The following SLC35E4 variants were observed in gnomAD, a reference collection of about 807,000 sequenced individuals.
SLC35E4 encodes the protein solute carrier family 35 member E4.
In SLC35E4, 15 loss-of-function variants were observed where a neutral mutation model predicts 19.3. That is an observed-to-expected ratio of 0.78 (90% CI 0.52 to 1.20). The LOEUF (loss-of-function observed/expected upper bound fraction) is 1.20. Among genes scored for constraint, SLC35E4 ranks in the 50% most tolerant of loss-of-function variants. SLC35E4 has a pLI of 0.00. For missense variants in SLC35E4, 406 were observed against 472.3 expected, an observed-to-expected ratio of 0.86 and a Z score of 1.30; for synonymous variants, 219 against 219.9, an observed-to-expected ratio of 1.00 and a Z score of 0.04.
downstream of SLC35E4, chr22:30,663,363 C>A: frequency 7.0e-7 from 1 of 1,437,158 alleles, no homozygotes; most frequent in South Asian, 1.4e-5. Context: ...GTAGAATGTT[C>A]AAGTTTGGAT....
intron 2 of SLC35E4, among the ~76,000 whole-genome samples, chr22:30,660,932 C>T (rs1292337866): frequency 1.3e-5 from 2 of 151,832 alleles, no homozygotes; most frequent in African/African-American, 2.4e-5. Context: ...CTCTGCCTCC[C>T]GGGTTCAAGT....
At chr22:30,666,528 G>A (rs941870189), downstream of SLC35E4, among the ~76,000 whole-genome samples, 8 of 144,726 alleles carry the variant, frequency 5.5e-5, no homozygotes, top group African/African-American at 1.6e-4. Flanking sequence ...AGGCTGAGAC[G>A]GGAGAATTGC....
rs751717088 is a variant in SLC35E4, at chr22:30,636,664, A to G, written c.214A>G (p.Thr72Ala). Residue 72 changes from threonine to alanine, a missense_variant, in exon 1 of 2, where the codon ACA becomes GCA. Transcript: ENST00000343605. ...SMSSLNKWIF[T>A]VHGFGRPLLL... Reference sequence around the variant, plus strand: ...GTCAAGCCTCAACAAGTGGATCTTCACAGTGCACGGCTTTGGGCGGCCCCT... The same window carrying G: ...GTCAAGCCTCAACAAGTGGATCTTCGCAGTGCACGGCTTTGGGCGGCCCCT... The G allele has an allele frequency of 6.8e-6, 11 of 1,612,068 alleles. No individual in the cohort carries two copies. The highest frequency in any genetic ancestry group is 6.7e-5 in the Admixed American group (4 of 59,952).
chr22:30,663,511 GCA>G (rs538206035), downstream of SLC35E4: 6,852 of 1,614,194 alleles, frequency 4.2e-3, 17 homozygotes, highest in Non-Finnish European at 5.3e-3. Flanking sequence ...CTGACCATGT[GCA>G]CAGTGTTCTT....
chr22:30,638,501 CAA>C (rs33962458), intron 1 of SLC35E4, among the ~76,000 whole-genome samples: 5,819 of 63,756 alleles, frequency 0.091, 268 homozygotes, highest in African/African-American at 0.25. Flanking sequence ...GACTCCATCT[CAA>C]AAAAAAAAAA....
rs779255972 is a variant in SLC35E4 at position 30,636,985 on chromosome 22, G to A, written c.535G>A (p.Ala179Thr). The change falls in exon 1 of 2, where the codon GCT becomes ACT. Residue 179 changes from alanine (A) to threonine (T), a missense_variant. Physicochemically the swap from Ala to Thr is moderately conservative, Grantham distance 58. Transcript: ENST00000343605. ...CTGCCTGGGGGCCGCCTGCAGCCTG[G>A]CTGGAGAGTTCCGGACACCCCCTAC... ...PLCLGAACSL[A>T]GEFRTPPTGC... The A allele has an allele frequency of 6.2e-7, 1 of 1,611,700 alleles. No homozygotes were observed. The highest frequency in any genetic ancestry group is 1.7e-5 in the Admixed American group (1 of 59,946).
rs2087963916 is a variant in SLC35E4 at position 30,637,033 on chromosome 22, G to A, written c.583G>A (p.Ala195Thr). 12 of 1,589,486 alleles carry A rather than the reference G, an allele frequency of 7.5e-6. No homozygotes were observed. The highest frequency in any genetic ancestry group is 1.0e-5 in the Non-Finnish European group (12 of 1,164,690). Reference protein sequence around the residue: ...PPTGCGFLLAATCLRGLKSVQ... With the variant: ...PPTGCGFLLATTCLRGLKSVQ... ...TACCGGCTGTGGCTTCCTGCTCGCA[G>A]CCACCTGCCTCCGCGGACTCAAGTC... Residue 195 changes from alanine (A) to threonine (T), a missense_variant, in exon 1 of 2, where the codon GCC (alanine) becomes ACC (threonine). By Grantham distance (58) the Ala-to-Thr change is moderately conservative. Transcript: ENST00000343605.
chr22:30,647,096 A>T lies in SLC35E4; in HGVS notation c.*65A>T. ...CCTGAATCCAGCCTCCGCTGTGGCC[A>T]TAGAAGGAATGGAGAACAGGGCTGG... is the stretch of plus-strand genomic sequence containing the variant. On this transcript the variant is annotated 3_prime_UTR_variant, in exon 2 of 2. Transcript: ENST00000343605. The T allele has an allele frequency of 3.3e-6, 5 of 1,501,730 alleles. No individual in the cohort carries two copies. Among genetic ancestry groups the T allele is most frequent in the Non-Finnish European group, 4.4e-6 (5 of 1,127,652 alleles). The allele number at this position is 1,501,730 out of a possible 1,614,324, so 93.0% of individuals were successfully genotyped here. A position where few individuals can be genotyped will look rare whatever the true frequency, so the allele number is the denominator to read the frequency against.
chr22:30,649,773 C>A (rs568481083), downstream of SLC35E4, among the ~76,000 whole-genome samples: 2 of 150,056 alleles, frequency 1.3e-5, no homozygotes, highest in African/African-American at 4.9e-5. Flanking sequence ...CTGGCCCCCA[C>A]TGCCATAGCA....
rs1338732669 is a variant in SLC35E4, at chr22:30,636,668, T to C, written c.218T>C (p.Val73Ala). ...AGCCTCAACAAGTGGATCTTCACAG[T>C]GCACGGCTTTGGGCGGCCCCTGCTG... ...MSSLNKWIFT[V>A]HGFGRPLLLS... Residue 73 changes from valine (V) to alanine (A), a missense_variant, in exon 1 of 2, where the codon GTG (valine) becomes GCG (alanine). Val to Ala is a moderately conservative substitution (Grantham distance 64, BLOSUM62 0). Transcript: ENST00000343605. 3.7e-6 allele frequency: 6 copies of C among 1,612,136 alleles called. No individual in the cohort carries two copies. Among genetic ancestry groups the C allele is most frequent in the Non-Finnish European group, 5.1e-6 (6 of 1,179,292 alleles).
rs1166312271 is a variant in SLC35E4 at position 30,636,612 on chromosome 22, G to C, written c.162G>C (p.Leu54=). The change falls in exon 1 of 2, where the codon CTG becomes CTC. Residue 54 remains leucine (L), a synonymous_variant. Coordinates refer to ENST00000343605, the MANE Select transcript of SLC35E4 (RefSeq NM_001001479.4). ...GGGCCCGAGTGGCCATGGCAGCACT[G>C]GTGTGGCTGCTGGCGGGAGCCAGCA... ...PGRARVAMAA[L]VWLLAGASMS... is the part of the protein sequence containing the mutation. 1 of 1,608,562 alleles carries C rather than the reference G, an allele frequency of 6.2e-7. No homozygotes were observed. The highest frequency in any genetic ancestry group is 2.2e-5 in the East Asian group (1 of 44,660).
intron 2 of SLC35E4, chr22:30,654,495 TA>T (rs938407828): frequency 1.6e-5 from 7 of 434,566 alleles, no homozygotes; most frequent in Non-Finnish European, 2.3e-5. Flanking sequence ...GGGATGCCGT[TA>T]AACACCTTGA....
At position 30,646,713 on chromosome 22, in the gene SLC35E4, A is replaced by G. The variant is rs1602079788; in HGVS notation, c.735A>G (p.Pro245=). ...AALVLEAGVA[P]PPTAGDSRLW... ...TGGTGCTGGAGGCTGGCGTTGCCCCACCGCCCACTGCTGGCGACTCTCGCC... is the reference window on the plus strand; with the variant it reads ...TGGTGCTGGAGGCTGGCGTTGCCCCGCCGCCCACTGCTGGCGACTCTCGCC... The change falls in exon 2 of 2, where the codon CCA becomes CCG. Residue 245 remains proline, a synonymous_variant. Coordinates refer to ENST00000343605, the MANE Select transcript of SLC35E4 (RefSeq NM_001001479.4). The G allele has an allele frequency of 8.7e-6, 14 of 1,612,178 alleles. No homozygotes were observed. Among genetic ancestry groups the G allele is most frequent in the Non-Finnish European group, 1.2e-5 (14 of 1,179,718 alleles).
At chr22:30,640,659 G>A (rs956796106) in intron 1 of SLC35E4, among the ~76,000 whole-genome samples, 6 of 152,216 alleles carry the variant, frequency 3.9e-5, no homozygotes, top group African/African-American at 7.2e-5. Context: ...GGAGGCCAGG[G>A]TGCCCACTCA....
At chr22:30,645,838 T>A (rs999352760) in intron 1 of SLC35E4, among the ~76,000 whole-genome samples, 82 of 146,366 alleles carry the variant, frequency 5.6e-4, no homozygotes, top group African/African-American at 2.0e-3. Context: ...TTTTTTTTTT[T>A]AAGACAGGGT....
downstream of SLC35E4, chr22:30,664,198 C>CTGGT: frequency 1.7e-6 from 1 of 602,698 alleles, no homozygotes; most frequent in Non-Finnish European, 3.0e-6. Context: ...CTGACCATCA[C>CTGGT]AGCAGAACTA....
chr22:30,651,507 T>A (rs1447502078), downstream of SLC35E4, among the ~76,000 whole-genome samples: 1 of 140,046 alleles, frequency 7.1e-6, no homozygotes, highest in Non-Finnish European at 1.5e-5. Context: ...CTTGAACTCC[T>A]GACCTCAAGA....
At chr22:30,639,113 C>T (rs1347302988) in intron 1 of SLC35E4, among the ~76,000 whole-genome samples, 3 of 152,144 alleles carry the variant, frequency 2.0e-5, no homozygotes, top group African/African-American at 7.2e-5. Context: ...TCTGTATTAC[C>T]TAAGTGTCAG....
rs1316916827 is a variant in SLC35E4, at chr22:30,636,693, G to A, written c.243G>A (p.Leu81=). The A allele has an allele frequency of 1.9e-6, 3 of 1,611,734 alleles. No homozygotes were observed. In the South Asian group the frequency reaches 3.3e-5, roughly 18 times the overall value. Residue 81 remains leucine (L), a synonymous_variant, in exon 1 of 2, where the codon CTG becomes CTA. Transcript: ENST00000343605. ...TGCACGGCTTTGGGCGGCCCCTGCT[G>A]CTGTCGGCCCTGCACATGCTGGTGG... is the stretch of plus-strand genomic sequence containing the variant. ...FTVHGFGRPL[L]LSALHMLVAA... is the part of the protein sequence containing the mutation.
Sources: gnomAD v4.1 joint callset for allele counts (sites outside exome capture counted in the v4.1 genomes callset) on GRCh38, gnomAD v4.1.1 for gene constraint, MANE v1.5 for transcripts, NCBI Gene and HGNC (gene_info 2026-07-23, HGNC 2026-07-21) for gene names.